The following CTNNA2 variants were observed in gnomAD, a reference collection of about 807,000 sequenced individuals.
CTNNA2 encodes catenin alpha 2.
Under a neutral mutation model 101.0 loss-of-function variants are expected in CTNNA2, and 42 were observed. The ratio of observed to expected loss-of-function variants is 0.42; its 90% confidence interval spans 0.32 to 0.54. The LOEUF (loss-of-function observed/expected upper bound fraction) is 0.54, where lower values mean the gene tolerates loss of function less well. CTNNA2 is among the 20% of genes least tolerant of loss of function. The pLI is 0.14. For synonymous variants in CTNNA2, 450 were observed against 456.4 expected (o/e 0.99, Z 0.18); for missense variants, 871 against 1,223.1 (o/e 0.71, Z 4.29).
chr2:80,058,209 G>T (rs1697355017), intron 7 of CTNNA2, among the ~76,000 whole-genome samples: 2 of 152,208 alleles, frequency 1.3e-5, no homozygotes, highest in African/African-American at 4.8e-5. Flanking sequence ...TCTGTAAGAT[G>T]AGTTATTTTG....
intron 4 of CTNNA2, among the ~76,000 whole-genome samples, chr2:79,468,412 TCCCACACAATAATAATGGG>T (rs919938697): frequency 2.0e-5 from 3 of 151,930 alleles, no homozygotes; most frequent in Non-Finnish European, 2.9e-5. Context: ...AGACTTAGAC[TCCCACACAATAATAATGGG>T]AGACTTTAAC....
chr2:79,885,811 A>G (rs368424166), intron 6 of CTNNA2, among the ~76,000 whole-genome samples: 12 of 152,338 alleles, frequency 7.9e-5, no homozygotes, highest in African/African-American at 2.6e-4. Context: ...TGAATGGCCA[A>G]TAGAAGTAAC....
chr2:79,335,010 C>G (rs1053810250), intron 3 of CTNNA2, among the ~76,000 whole-genome samples: 4 of 152,168 alleles, frequency 2.6e-5, no homozygotes, highest in African/African-American at 9.7e-5. Context: ...CCCATGCACA[C>G]ACATTCAACC....
At chr2:79,368,201 T>C (rs1677791582) in intron 3 of CTNNA2, among the ~76,000 whole-genome samples, 4 of 152,300 alleles carry the variant, frequency 2.6e-5, no homozygotes, top group Admixed American at 2.6e-4. Flanking sequence ...GAAGCAGACT[T>C]TCTATATTTA....
chr2:80,383,078 C>A (rs530582360), intron 7 of CTNNA2, among the ~76,000 whole-genome samples: 2 of 152,206 alleles, frequency 1.3e-5, no homozygotes, highest in East Asian at 3.9e-4. Flanking sequence ...TAATTAACCC[C>A]AGCTTTTAGC....
intron 4 of CTNNA2, among the ~76,000 whole-genome samples, chr2:79,416,257 C>CT (rs66830925): frequency 0.032 from 2,996 of 94,050 alleles, 5 homozygotes; most frequent in East Asian, 0.044. Flanking sequence ...CTTTCCTTTT[C>CT]TTTTTTTTTT....
Position 79,216,823 on chromosome 2 carries a change from G to A in CTNNA2, c.-406+18747G>A, listed in dbSNP as rs529780212. Among the ~76,000 whole-genome samples, 9 of 152,094 alleles carry A rather than the reference G, an allele frequency of 5.9e-5. No individual in the cohort carries two copies. In the South Asian group the frequency reaches 1.9e-3, roughly 32 times the overall value. ...GAGACATGGAGAGAAGGGGTTGGGG[G>A]GTTCATGCCCCCCAGAACTGCAGTA... On this transcript the variant is annotated intron_variant, in intron 2 of 21. Transcript: ENST00000466387.
intron 4 of CTNNA2, among the ~76,000 whole-genome samples, chr2:79,452,941 A>C (rs1376271422): frequency 6.6e-6 from 1 of 152,164 alleles, no homozygotes; most frequent in Non-Finnish European, 1.5e-5. Context: ...TAAAATCATT[A>C]AGGGAGAATA....
chr2:80,238,988 A>G (rs1266024999), intron 7 of CTNNA2, among the ~76,000 whole-genome samples: 1 of 152,230 alleles, frequency 6.6e-6, no homozygotes, highest in Non-Finnish European at 1.5e-5. Flanking sequence ...GAGGGGGCGT[A>G]AAATATTTCA....
At chr2:80,546,841 T>A (rs771551324) in intron 11 of CTNNA2, among the ~76,000 whole-genome samples, 90 of 152,136 alleles carry the variant, frequency 5.9e-4, no homozygotes, top group Non-Finnish European at 1.1e-3. Flanking sequence ...GAGGAGGAGG[T>A]CACTGGAAAC....
At chr2:80,231,637 TA>T (rs1709218203) in intron 7 of CTNNA2, among the ~76,000 whole-genome samples, 1 of 152,080 alleles carries the variant, frequency 6.6e-6, no homozygotes, top group Non-Finnish European at 1.5e-5. Flanking sequence ...ACATTAACAT[TA>T]AAAGAGAGAC....
chr2:79,894,047 CTT>C (rs1558619584), intron 6 of CTNNA2, among the ~76,000 whole-genome samples: 1,645 of 127,528 alleles, frequency 0.013, 41 homozygotes, highest in African/African-American at 0.032. Context: ...TCTTCTTCTT[CTT>C]CTTCTTCTTC....
intron 2 of CTNNA2, among the ~76,000 whole-genome samples, chr2:79,247,146 G>T (rs967086045): frequency 2.6e-5 from 4 of 152,170 alleles, no homozygotes; most frequent in African/African-American, 9.7e-5. Context: ...TTGTAGACAA[G>T]GAGTCGTAAG....
intron 4 of CTNNA2, among the ~76,000 whole-genome samples, chr2:79,469,549 T>C (rs1670975992): frequency 6.6e-6 from 1 of 152,074 alleles, no homozygotes; most frequent in African/African-American, 2.4e-5. Flanking sequence ...ATCATCCCGA[T>C]ACCAAAGCCC....
chr2:79,915,448 C>T (rs1686134584), intron 7 of CTNNA2, among the ~76,000 whole-genome samples: 1 of 152,110 alleles, frequency 6.6e-6, no homozygotes, highest in Admixed American at 6.5e-5. Flanking sequence ...ATTCTCTAAC[C>T]TTATGTTTAC....
At chr2:79,403,902 C>T (rs150082138) in intron 4 of CTNNA2, among the ~76,000 whole-genome samples, 314 of 152,074 alleles carry the variant, frequency 2.1e-3, no homozygotes, top group African/African-American at 7.2e-3. Flanking sequence ...AGCATTCACA[C>T]ACCTGGTTGT....
chr2:79,517,343 A>G (rs1671861415), intron 1 of CTNNA2, among the ~76,000 whole-genome samples: 1 of 152,196 alleles, frequency 6.6e-6, no homozygotes, highest in South Asian at 2.1e-4. Flanking sequence ...ATTTTAATAG[A>G]CACAATTCCA....
intron 3 of CTNNA2, among the ~76,000 whole-genome samples, chr2:79,350,434 C>T (rs1433264134): frequency 1.3e-5 from 2 of 152,234 alleles, no homozygotes; most frequent in Non-Finnish European, 2.9e-5. Context: ...TGGCCTCCAG[C>T]TCCATCCATG....
At chr2:79,285,464 CGTTGGT>C (rs1161972420) in intron 2 of CTNNA2, among the ~76,000 whole-genome samples, 95 of 146,670 alleles carry the variant, frequency 6.5e-4, no homozygotes, top group African/African-American at 2.3e-3. Flanking sequence ...TCTTTGTTCA[CGTTGGT>C]TTCAAAGAAC....
Sources: gnomAD v4.1 joint callset for allele counts (sites outside exome capture counted in the v4.1 genomes callset) on GRCh38, gnomAD v4.1.1 for gene constraint, MANE v1.5 for transcripts, NCBI Gene and HGNC (gene_info 2026-07-23, HGNC 2026-07-21) for gene names.